CRACDL: variants seen among roughly 807,000 people sequenced by gnomAD.
CRACDL encodes the protein CRACD-like protein.
In CRACDL, 26 loss-of-function variants were observed where a neutral mutation model predicts 70.6. The ratio of observed to expected loss-of-function variants is 0.37; its 90% CI spans 0.27 to 0.51. CRACDL has a LOEUF of 0.51. Ranked by LOEUF, CRACDL falls within the 20% of genes least tolerant of loss-of-function variation. The pLI, the probability that CRACDL is intolerant of heterozygous loss-of-function variation, is 0.94. For missense variants in CRACDL, 1,283 were observed against 1,376.9 expected, an observed-to-expected ratio of 0.93 and a Z score of 1.08; for synonymous variants, 618 against 615.2, an observed-to-expected ratio of 1.00 and a Z score of -0.07.
At position 98,822,922 on chromosome 2, in the gene CRACDL, TCTC is replaced by T. The variant is rs763156546; in HGVS notation, c.1348_1350del (p.Glu450del). ...TCAGGCGCCGGCCCTGGGGGCCCCT[TCTC>T]CTCATCCGGGAGCACGGGCGGCGTC... On this transcript the variant is annotated inframe_deletion, in exon 7 of 10. Transcript: ENST00000397899. The surrounding 1 kb of genome is among the most constrained non-coding windows in gnomAD (Gnocchi z 4.9). 21 of 1,470,550 alleles carry T rather than the reference TCTC, an allele frequency of 1.4e-5. No homozygotes were observed. Among genetic ancestry groups the T allele is most frequent in the South Asian group, 2.7e-5 (2 of 73,414 alleles). 91.1% of individuals were successfully genotyped at this position (1,470,550 alleles called of 1,614,324 possible).
At chr2:98,915,718 C>G (rs988654456) in intron 1 of CRACDL, among the ~76,000 whole-genome samples, 7 of 152,120 alleles carry the variant, frequency 4.6e-5, no homozygotes, top group Non-Finnish European at 1.0e-4. Context: ...TAGGCAAGGG[C>G]ATGAGTGACA....
In CRACDL at chr2:98,796,268, T is replaced by C. The variant is rs769625348; in HGVS notation, c.2605-4A>G. 15 of 1,613,464 alleles carry C rather than the reference T, an allele frequency of 9.3e-6. No individual in the cohort carries two copies. Among genetic ancestry groups the C allele is most frequent in the South Asian group, 2.2e-5 (2 of 91,082 alleles). Reference sequence around the variant, plus strand: ...AGTCAGCTTGCTTCACAGGCTCCTGTTGGGACATAAGACACATGCTGCCAA... The same window carrying C: ...AGTCAGCTTGCTTCACAGGCTCCTGCTGGGACATAAGACACATGCTGCCAA... On this transcript the variant is annotated splice_region_variant and splice_polypyrimidine_tract_variant and intron_variant, in intron 8 of 9. Transcript: ENST00000397899.
At chr2:98,817,945 A>G (rs538373920) in intron 7 of CRACDL, among the ~76,000 whole-genome samples, 1 of 152,338 alleles carries the variant, frequency 6.6e-6, no homozygotes, top group African/African-American at 2.4e-5. Flanking sequence ...AACAAGACAG[A>G]CTAGAAGGAG....
intron 7 of CRACDL, among the ~76,000 whole-genome samples, chr2:98,821,240 T>A (rs1163795674): frequency 6.6e-6 from 1 of 152,180 alleles, no homozygotes; most frequent in Non-Finnish European, 1.5e-5. Flanking sequence ...CAGGCTGGAG[T>A]GCATGGCACC....
At chr2:98,923,016 T>A (rs533487339) in intron 1 of CRACDL, among the ~76,000 whole-genome samples, 1 of 152,196 alleles carries the variant, frequency 6.6e-6, no homozygotes, top group African/African-American at 2.4e-5. Context: ...ATGCCTGTAA[T>A]CCTAGCACTT....
At chr2:98,846,319 C>G (rs1164109528) in intron 2 of CRACDL, among the ~76,000 whole-genome samples, 1 of 152,122 alleles carries the variant, frequency 6.6e-6, no homozygotes, top group African/African-American at 2.4e-5. Context: ...ATCAAAGGCT[C>G]TCTCCTGATG....
chr2:98,889,634 G>T (rs1167095319), intron 1 of CRACDL, among the ~76,000 whole-genome samples: 2 of 152,154 alleles, frequency 1.3e-5, no homozygotes, highest in African/African-American at 4.8e-5. Context: ...GGAAATAGGA[G>T]ACTTGAAAAG....
intron 1 of CRACDL, among the ~76,000 whole-genome samples, chr2:98,916,595 T>C (rs1405050232): frequency 6.6e-6 from 1 of 152,208 alleles, no homozygotes; most frequent in Non-Finnish European, 1.5e-5. Context: ...CTCATTTTTA[T>C]ATGTTTCCTT....
At chr2:98,886,780 T>C (rs1034447175) in intron 1 of CRACDL, among the ~76,000 whole-genome samples, 4 of 152,002 alleles carry the variant, frequency 2.6e-5, no homozygotes, top group African/African-American at 9.7e-5. Context: ...CAACAAACCC[T>C]AGGGAGAGAG....
chr2:98,899,795 C>A (rs1708218169), intron 1 of CRACDL, among the ~76,000 whole-genome samples: 1 of 149,300 alleles, frequency 6.7e-6, no homozygotes, highest in Admixed American at 6.7e-5. Context: ...GGAGGGGAGG[C>A]AGGGAATGGA....
At chr2:98,801,960 G>A (rs1704095932) in intron 7 of CRACDL, among the ~76,000 whole-genome samples, 1 of 152,232 alleles carries the variant, frequency 6.6e-6, no homozygotes, top group Non-Finnish European at 1.5e-5. Context: ...GAGCCATTCT[G>A]CCATGACAAC....
intron 1 of CRACDL, among the ~76,000 whole-genome samples, chr2:98,883,901 C>T (rs560976326): frequency 1.3e-5 from 2 of 152,328 alleles, no homozygotes; most frequent in African/African-American, 4.8e-5. Flanking sequence ...TTATTTTTGG[C>T]ATCTCTCAAA....
intron 7 of CRACDL, among the ~76,000 whole-genome samples, chr2:98,813,787 G>A (rs187823515): frequency 6.0e-4 from 92 of 152,194 alleles, no homozygotes; most frequent in Admixed American, 4.3e-3. Context: ...TGTATAATTG[G>A]TGTTATTTCT....
intron 7 of CRACDL, among the ~76,000 whole-genome samples, chr2:98,810,412 G>A (rs1704505326): frequency 6.6e-6 from 1 of 152,180 alleles, no homozygotes; most frequent in Non-Finnish European, 1.5e-5. Flanking sequence ...AATTTTTAAA[G>A]AGGAAAGCTC....
chr2:98,913,294 G>A (rs560217206), intron 1 of CRACDL, among the ~76,000 whole-genome samples: 1 of 152,202 alleles, frequency 6.6e-6, no homozygotes, highest in African/African-American at 2.4e-5. Context: ...GTGGAGTGCT[G>A]TCTAGAGGGA....
rs1300771896 is a variant in CRACDL at position 98,822,187 on chromosome 2, T to C, written c.2086A>G (p.Arg696Gly). The part of the protein sequence containing the change: ...LRSTSLSLKY[R>G]DGASQEVKGV... ...TTCACCTCCTGAGAGGCGCCATCCC[T>C]GTATTTGAGCGAGAGGGAGGTGGAC... Residue 696 changes from arginine (R) to glycine (G), a missense_variant, in exon 7 of 10, where the codon AGG becomes GGG. Physicochemically the swap from Arg to Gly is moderately radical, Grantham distance 125. Coordinates refer to ENST00000397899, the MANE Select transcript of CRACDL (RefSeq NM_207362.3). The surrounding 1 kb of genome is among the most constrained non-coding windows in gnomAD (Gnocchi z 4.9). 1 of 1,611,270 alleles carries C rather than the reference T, an allele frequency of 6.2e-7. No homozygotes were observed. Among genetic ancestry groups the C allele is most frequent in the African/African-American group, 1.3e-5 (1 of 74,934 alleles).
At chr2:98,863,584 G>C (rs190790701) in intron 1 of CRACDL, among the ~76,000 whole-genome samples, 4 of 152,270 alleles carry the variant, frequency 2.6e-5, no homozygotes, top group African/African-American at 9.6e-5. Flanking sequence ...TTTAAAAAAA[G>C]AGGTACAGGC....
intron 9 of CRACDL, among the ~76,000 whole-genome samples, chr2:98,795,077 A>T (rs972127817): frequency 0.15 from 8,626 of 58,336 alleles, 1,721 homozygotes; most frequent in East Asian, 0.24. Flanking sequence ...ATATATATAT[A>T]TTTTTTTTTT....
chr2:98,822,710 G>A lies in CRACDL; in HGVS notation c.1563C>T (p.Pro521=). 7.9e-7 allele frequency: 1 copy of A among 1,264,020 alleles called. No homozygotes were observed. The highest frequency in any genetic ancestry group is 9.9e-7 in the Non-Finnish European group (1 of 1,008,484). 78.3% of individuals were successfully genotyped at this position (1,264,020 alleles called of 1,614,324 possible). Residue 521 remains proline, a synonymous_variant, in exon 7 of 10, where the codon CCC becomes CCT. Transcript: ENST00000397899. The surrounding 1 kb of genome is among the most constrained non-coding windows in gnomAD (Gnocchi z 4.9). ...GGGAACCGGGGCCGGGCTCCACCGG[G>A]GGAGACTCCGCAGCGGCAAGCGGCG... ...ASPPLAAAES[P]PVEPGPGSLD... is the part of the protein sequence containing the mutation.
Sources: allele counts gnomAD v4.1 joint callset (sites outside exome capture counted in the v4.1 genomes callset), GRCh38; gene constraint gnomAD v4.1.1; non-coding constraint Gnocchi (gnomAD v3.1); transcripts MANE v1.5; gene names NCBI Gene and HGNC (gene_info 2026-07-23, HGNC 2026-07-21).